The following GPC5 variants were observed in gnomAD, a reference collection of about 807,000 sequenced individuals.
GPC5 encodes glypican-5.
GPC5 carries 47 observed loss-of-function variants against 53.9 expected under a neutral mutation model. That is an observed-to-expected ratio of 0.87 (90% confidence interval 0.69 to 1.11). The LOEUF (loss-of-function observed/expected upper bound fraction) is 1.11. GPC5 is among the 50% of genes most tolerant of loss of function. GPC5 has a pLI of 0.00. For missense variants in GPC5, 748 were observed against 713.1 expected (o/e 1.05, Z -0.56); for synonymous variants, 286 against 263.3 (o/e 1.09, Z -0.84).
chr13:92,432,774 A>AG (rs1566588311), intron 7 of GPC5, among the ~76,000 whole-genome samples: 1 of 152,000 alleles, frequency 6.6e-6, no homozygotes, highest in Non-Finnish European at 1.5e-5. Context: ...AAACATCAAG[A>AG]GTTTGGTTGA....
intron 7 of GPC5, among the ~76,000 whole-genome samples, chr13:92,753,019 G>A (rs1368145363): frequency 6.6e-6 from 1 of 152,192 alleles, no homozygotes; most frequent in African/African-American, 2.4e-5. Flanking sequence ...GCCTCTGTAG[G>A]CTCCACCTCT....
chr13:92,411,568 C>G (rs1285028302), intron 7 of GPC5, among the ~76,000 whole-genome samples: 2 of 152,140 alleles, frequency 1.3e-5, no homozygotes, highest in African/African-American at 4.8e-5. Context: ...ATAGATTCAA[C>G]AGGACACTTG....
At chr13:92,308,648 G>A (rs1477670559) in intron 7 of GPC5, among the ~76,000 whole-genome samples, 1 of 152,046 alleles carries the variant, frequency 6.6e-6, no homozygotes, top group Non-Finnish European at 1.5e-5. Flanking sequence ...AAGGTTTTTT[G>A]ACAGGGCATG....
intron 7 of GPC5, among the ~76,000 whole-genome samples, chr13:92,792,305 C>G (rs1032203808): frequency 6.6e-6 from 1 of 152,058 alleles, no homozygotes; most frequent in African/African-American, 2.4e-5. Context: ...CCAGCCAAAT[C>G]AAGCTTCATA....
At chr13:91,568,102 AG>A (rs1268388805) in intron 2 of GPC5, among the ~76,000 whole-genome samples, 2 of 152,162 alleles carry the variant, frequency 1.3e-5, no homozygotes, top group Admixed American at 1.3e-4. Flanking sequence ...ACATTTCCTG[AG>A]GTCCCACTAG....
At chr13:92,401,626 A>G (rs1875563477) in intron 7 of GPC5, among the ~76,000 whole-genome samples, 1 of 152,186 alleles carries the variant, frequency 6.6e-6, no homozygotes. Context: ...AATTCAAAAG[A>G]GAAAGTCTTA....
chr13:91,819,285 G>T (rs1421981162), intron 5 of GPC5, among the ~76,000 whole-genome samples: 1 of 148,448 alleles, frequency 6.7e-6, no homozygotes, highest in Non-Finnish European at 1.5e-5. Flanking sequence ...TCAGCCTCCT[G>T]AGTAGCTGGG....
At chr13:92,202,119 A>T (rs140360282) in intron 7 of GPC5, among the ~76,000 whole-genome samples, 20 of 152,340 alleles carry the variant, frequency 1.3e-4, no homozygotes, top group African/African-American at 4.6e-4. Flanking sequence ...ATTCTAGATG[A>T]ACTAAAGAAT....
chr13:92,064,791 T>C (rs922220090), intron 6 of GPC5, among the ~76,000 whole-genome samples: 5 of 97,308 alleles, frequency 5.1e-5, no homozygotes, highest in African/African-American at 1.8e-4. Context: ...CAGAGGCAAC[T>C]GAGTTGCAAT....
rs140589490 is a variant in GPC5, at chr13:92,657,113, T to C, written c.1562-209169T>C. ...AAATTAACATGAATAGTCTTTGCTC[T>C]CATTAGATGGTGAATATTTAACTGA... On this transcript the variant is annotated intron_variant, in intron 7 of 7. Coordinates refer to ENST00000377067, the MANE Select transcript of GPC5 (RefSeq NM_004466.6). Among the ~76,000 whole-genome samples the C allele has an allele frequency of 4.4e-3, 671 of 152,362 alleles. 6 individuals carry two copies. The highest frequency in any genetic ancestry group is 0.015 in the African/African-American group (631 of 41,580).
chr13:92,011,820 TACAAATTGAGTGGACACTG>T (rs1283639458), intron 6 of GPC5, among the ~76,000 whole-genome samples: 1 of 152,236 alleles, frequency 6.6e-6, no homozygotes, highest in African/African-American at 2.4e-5. Flanking sequence ...TACTCGATTT[TACAAATTGAGTGGACACTG>T]ACAAATTTAG....
intron 3 of GPC5, among the ~76,000 whole-genome samples, chr13:91,726,076 C>A (rs1322330532): frequency 6.6e-6 from 1 of 152,150 alleles, no homozygotes; most frequent in East Asian, 1.9e-4. Context: ...AGCGAACATA[C>A]TTTCCTCATT....
At chr13:91,762,483 A>G (rs1426700714) in intron 5 of GPC5, among the ~76,000 whole-genome samples, 2 of 151,980 alleles carry the variant, frequency 1.3e-5, no homozygotes, top group African/African-American at 4.8e-5. Flanking sequence ...GGATTGTCTG[A>G]ATTTCTGAAT....
intron 1 of GPC5, among the ~76,000 whole-genome samples, chr13:91,434,332 T>C (rs1879739886): frequency 6.6e-6 from 1 of 152,130 alleles, no homozygotes; most frequent in Admixed American, 6.5e-5. Flanking sequence ...TTTATGGTTT[T>C]AGGTCTAACA....
At chr13:92,522,664 TGTAA>T (rs1187898374) in intron 7 of GPC5, among the ~76,000 whole-genome samples, 1 of 152,100 alleles carries the variant, frequency 6.6e-6, no homozygotes, top group Non-Finnish European at 1.5e-5. Flanking sequence ...ATACACCTAA[TGTAA>T]GTGATGAGTT....
chr13:91,414,199 G>A, intron 1 of GPC5, among the ~76,000 whole-genome samples: 1 of 152,150 alleles, frequency 6.6e-6, no homozygotes, highest in East Asian at 1.9e-4. Flanking sequence ...GAATCATGGG[G>A]GCAGTTACCC....
At chr13:92,619,831 G>A (rs1884813914) in intron 7 of GPC5, among the ~76,000 whole-genome samples, 1 of 151,890 alleles carries the variant, frequency 6.6e-6, no homozygotes, top group South Asian at 2.1e-4. Context: ...AAAGTGAAAA[G>A]GAAATAATAT....
At chr13:92,004,458 T>TTATATATATATATATATA (rs58376767) in intron 6 of GPC5, among the ~76,000 whole-genome samples, 2,828 of 82,026 alleles carry the variant, frequency 0.034, 169 homozygotes, top group Non-Finnish European at 0.04. Flanking sequence ...AAAAAAAAAA[T>TTATATATATATATATATA]TATATATATA....
chr13:92,822,262 T>A (rs181497242), intron 7 of GPC5, among the ~76,000 whole-genome samples: 2 of 152,268 alleles, frequency 1.3e-5, no homozygotes, highest in East Asian at 3.9e-4. Context: ...ATTTATGGAC[T>A]AGGTAAAATG....
Sources: gnomAD v4.1 joint callset for allele counts (sites outside exome capture counted in the v4.1 genomes callset) on GRCh38, gnomAD v4.1.1 for gene constraint, MANE v1.5 for transcripts, NCBI Gene and HGNC (gene_info 2026-07-23, HGNC 2026-07-21) for gene names.